ZFHX3: variants seen among roughly 807,000 people sequenced by gnomAD.
ZFHX3 encodes the protein zinc finger homeobox 3.
ZFHX3 carries 42 observed loss-of-function variants against 279.1 expected under a neutral mutation model. The observed-to-expected ratio is 0.15, with a 90% CI of 0.12 to 0.19. The LOEUF (loss-of-function observed/expected upper bound fraction) is 0.19, where lower values mean the gene tolerates loss of function less well. Ranked by LOEUF, ZFHX3 falls within the 10% of genes least tolerant of loss-of-function variation. The probability of loss-of-function intolerance (pLI) is 1.00; values close to 1 mark genes in which losing one functional copy is unlikely to be tolerated. For synonymous variants in ZFHX3, 2,293 were observed against 1,957.8 expected, an observed-to-expected ratio of 1.17 and a Z score of -4.52; for missense variants, 4,981 against 4,754.0, an observed-to-expected ratio of 1.05 and a Z score of -1.40.
chr16:73,423,170 C>A (rs1180406080), intron 3 of ZFHX3, among the ~76,000 whole-genome samples: 2 of 151,936 alleles, frequency 1.3e-5, no homozygotes, highest in Non-Finnish European at 2.9e-5. Flanking sequence ...TGATTTTTTG[C>A]AGGGGCTGGG....
At chr16:73,336,271 T>G (rs2015910711) in intron 3 of ZFHX3, among the ~76,000 whole-genome samples, 1 of 152,194 alleles carries the variant, frequency 6.6e-6, no homozygotes, top group Non-Finnish European at 1.5e-5. Context: ...CAGGGGTACA[T>G]GTGCAGGTCT....
chr16:73,104,341 G>A (rs1966268364), intron 7 of ZFHX3, among the ~76,000 whole-genome samples: 1 of 152,018 alleles, frequency 6.6e-6, no homozygotes, highest in Non-Finnish European at 1.5e-5. Flanking sequence ...AGTGATTCTG[G>A]TGCCTCAGCC....
intron 2 of ZFHX3, among the ~76,000 whole-genome samples, chr16:73,638,522 C>T (rs961276385): frequency 2.0e-5 from 3 of 152,238 alleles, no homozygotes; most frequent in African/African-American, 7.2e-5. Context: ...ATGACTGTGA[C>T]CTCTTTGAAG....
intron 1 of ZFHX3, among the ~76,000 whole-genome samples, chr16:73,692,380 T>C (rs534910337): frequency 6.6e-6 from 1 of 152,302 alleles, no homozygotes; most frequent in East Asian, 1.9e-4. Flanking sequence ...TTTAACACCC[T>C]TTTTATATAA....
intron 3 of ZFHX3, among the ~76,000 whole-genome samples, chr16:73,347,149 G>C (rs1174835207): frequency 5.3e-5 from 8 of 152,200 alleles, no homozygotes; most frequent in Non-Finnish European, 1.2e-4. Flanking sequence ...TGACTGCAAA[G>C]TCTATGTTTA....
chr16:73,157,926 G>A (rs749312721), intron 5 of ZFHX3, among the ~76,000 whole-genome samples: 3 of 152,080 alleles, frequency 2.0e-5, no homozygotes, highest in African/African-American at 7.2e-5. Context: ...GGACTTCTCG[G>A]GATGCAGGAA....
chr16:73,869,831 C>A (rs1390242829), intron 1 of ZFHX3, among the ~76,000 whole-genome samples: 2 of 152,138 alleles, frequency 1.3e-5, no homozygotes, highest in African/African-American at 4.8e-5. Context: ...AGGGAGGTAG[C>A]GGTCTCCTGC....
chr16:73,875,400 A>AC (rs1362441378), intron 1 of ZFHX3, among the ~76,000 whole-genome samples: 1 of 152,220 alleles, frequency 6.6e-6, no homozygotes, highest in African/African-American at 2.4e-5. Flanking sequence ...ATTGTTATAA[A>AC]TCTTATCAAG....
chr16:73,145,766 C>T (rs1462928738), intron 5 of ZFHX3, among the ~76,000 whole-genome samples: 1 of 152,180 alleles, frequency 6.6e-6, no homozygotes, highest in African/African-American at 2.4e-5. Flanking sequence ...GCACCAACCT[C>T]GTATTGTCTG....
At chr16:73,273,933 A>G (rs1381533986) in intron 4 of ZFHX3, among the ~76,000 whole-genome samples, 6 of 152,206 alleles carry the variant, frequency 3.9e-5, no homozygotes, top group Non-Finnish European at 7.3e-5. Flanking sequence ...ACCCGAGGTC[A>G]GGAGTTTGAG....
chr16:73,524,839 T>A (rs1178576762), intron 2 of ZFHX3, among the ~76,000 whole-genome samples: 1 of 152,228 alleles, frequency 6.6e-6, no homozygotes, highest in African/African-American at 2.4e-5. Context: ...TTGTACACAG[T>A]CTTTCCCCAG....
chr16:73,806,888 A>C (rs1255943928), intron 1 of ZFHX3, among the ~76,000 whole-genome samples: 1 of 152,156 alleles, frequency 6.6e-6, no homozygotes, highest in African/African-American at 2.4e-5. Context: ...ACTAGACGGA[A>C]TCCATCATCC....
intron 4 of ZFHX3, among the ~76,000 whole-genome samples, chr16:73,284,182 G>A (rs1212297097): frequency 6.6e-6 from 1 of 151,256 alleles, no homozygotes; most frequent in Non-Finnish European, 1.5e-5. Flanking sequence ...CTGGGCACGG[G>A]GGCAGGCGCC....
intron 5 of ZFHX3, among the ~76,000 whole-genome samples, chr16:72,819,979 G>A (rs949203928): frequency 2.0e-5 from 3 of 152,228 alleles, no homozygotes; most frequent in African/African-American, 7.2e-5. Context: ...CCACCTTGCA[G>A]AAAGAGGAAG....
intron 5 of ZFHX3, among the ~76,000 whole-genome samples, chr16:73,200,334 T>C (rs1370872235): frequency 6.6e-6 from 1 of 152,200 alleles, no homozygotes; most frequent in Non-Finnish European, 1.5e-5. Flanking sequence ...AAATATTTTT[T>C]GTTTCAGCCA....
intron 1 of ZFHX3, among the ~76,000 whole-genome samples, chr16:73,846,064 C>T (rs1179187332): frequency 6.6e-6 from 1 of 152,194 alleles, no homozygotes; most frequent in Admixed American, 6.5e-5. Context: ...CTCCCAAGTG[C>T]TGGGATTGCA....
chr16:73,329,413 T>G (rs539059621), intron 3 of ZFHX3, among the ~76,000 whole-genome samples: 1 of 152,276 alleles, frequency 6.6e-6, no homozygotes, highest in Non-Finnish European at 1.5e-5. Context: ...TAGCGTCTTG[T>G]GCGCTTAGCC....
intron 1 of ZFHX3, among the ~76,000 whole-genome samples, chr16:73,869,473 A>G (rs565198153): frequency 6.6e-6 from 1 of 152,372 alleles, no homozygotes; most frequent in South Asian, 2.1e-4. Flanking sequence ...CTGTTTATGC[A>G]CCATAGATAA....
At chr16:73,740,562 C>T (rs768813333) in intron 1 of ZFHX3, among the ~76,000 whole-genome samples, 6 of 152,194 alleles carry the variant, frequency 3.9e-5, no homozygotes, top group Non-Finnish European at 7.3e-5. Context: ...TTATTTCCTT[C>T]AGCAAGACAT....
Sources: gnomAD v4.1 joint callset for allele counts (sites outside exome capture counted in the v4.1 genomes callset) on GRCh38, gnomAD v4.1.1 for gene constraint, MANE v1.5 for transcripts, NCBI Gene and HGNC (gene_info 2026-07-23, HGNC 2026-07-21) for gene names.